Variants in IQSEC1 observed in about 807,000 individuals in gnomAD.
IQSEC1 encodes IQ motif and SEC7 domain-containing protein 1.
IQSEC1 carries 31 observed loss-of-function variants against 91.0 expected under a neutral mutation model. The ratio of observed to expected loss-of-function variants is 0.34; its 90% CI spans 0.26 to 0.46. IQSEC1 has a LOEUF of 0.46. IQSEC1 is among the 20% of genes least tolerant of loss of function. The probability of loss-of-function intolerance (pLI) is 1.00; values close to 1 mark genes in which losing one functional copy is unlikely to be tolerated. For synonymous variants in IQSEC1, 699 were observed against 662.6 expected, an observed-to-expected ratio of 1.05 and a Z score of -0.84; for missense variants, 1,388 against 1,575.6, an observed-to-expected ratio of 0.88 and a Z score of 2.02.
intron 10 of IQSEC1, among the ~76,000 whole-genome samples, chr3:12,911,123 G>A (rs982782917): frequency 6.6e-5 from 10 of 152,180 alleles, no homozygotes. Context: ...TATGATGGGG[G>A]CCCTGTGGCA....
intron 1 of IQSEC1, among the ~76,000 whole-genome samples, chr3:13,279,937 AG>A (rs1695757736): frequency 6.6e-6 from 1 of 152,120 alleles, no homozygotes. Context: ...CTGGCTCCAA[AG>A]GTCTCACCCC....
rs1309934648 is a variant in IQSEC1, at chr3:12,909,450, A to G, written c.2417-16T>C. ...TTGGGGTAGTCTGCAAAAGGGAAGGAGAGGGGAGGAGGCCCACGGGTCTCA... is the reference window on the plus strand; with the variant it reads ...TTGGGGTAGTCTGCAAAAGGGAAGGGGAGGGGAGGAGGCCCACGGGTCTCA... On this transcript the variant is annotated splice_polypyrimidine_tract_variant and intron_variant, in intron 10 of 13. Coordinates refer to ENST00000613206, the MANE Select transcript of IQSEC1 (RefSeq NM_001134382.3). The surrounding 1 kb of genome is among the most constrained non-coding windows in gnomAD (Gnocchi z 4.9). 3 of 1,610,780 alleles carry G rather than the reference A, an allele frequency of 1.9e-6. No individual in the cohort carries two copies. Among genetic ancestry groups the G allele is most frequent in the Non-Finnish European group, 2.5e-6 (3 of 1,177,920 alleles).
At chr3:13,243,493 G>A (rs1263489296) in intron 1 of IQSEC1, among the ~76,000 whole-genome samples, 1 of 152,198 alleles carries the variant, frequency 6.6e-6, no homozygotes, top group African/African-American at 2.4e-5. Context: ...TCTTCCAGGG[G>A]TGCTCTCTGC....
At chr3:12,911,522 A>C in intron 10 of IQSEC1, 107 bp downstream of exon 10, 1 of 805,424 alleles carries the variant, frequency 1.2e-6, no homozygotes. Flanking sequence ...GGGATAAAAC[A>C]GGGGTGAGCG....
chr3:13,130,293 G>A (rs994889615), intron 2 of IQSEC1, among the ~76,000 whole-genome samples: 4 of 141,020 alleles, frequency 2.8e-5, no homozygotes, highest in Non-Finnish European at 4.5e-5. Flanking sequence ...GCAGTGAACC[G>A]AGATTGTGCC....
chr3:13,107,367 C>T (rs1296412594), intron 2 of IQSEC1, among the ~76,000 whole-genome samples: 1 of 152,250 alleles, frequency 6.6e-6, no homozygotes, highest in African/African-American at 2.4e-5. Flanking sequence ...ACCATGCCCC[C>T]TGCGGTTGCT....
chr3:13,125,581 G>C (rs1255623141), intron 2 of IQSEC1, among the ~76,000 whole-genome samples: 1 of 152,212 alleles, frequency 6.6e-6, no homozygotes, highest in Non-Finnish European at 1.5e-5. Context: ...ACAGCCCAGG[G>C]TGAATCCCGT....
chr3:12,904,681 C>G (rs1694773720), intron 12 of IQSEC1, among the ~76,000 whole-genome samples: 1 of 152,212 alleles, frequency 6.6e-6, no homozygotes, highest in Non-Finnish European at 1.5e-5. Context: ...GCGCCAATGT[C>G]TCTAGGTTTT....
chr3:12,983,076 GC>G lies in IQSEC1; in HGVS notation c.24-41212del, dbSNP rs1227842817. On this transcript the variant is annotated intron_variant, in intron 1 of 13. Transcript: ENST00000613206. This position sits in a 1 kb window ranked among gnomAD's most constrained non-coding sequence, Gnocchi z 4.3. ...TGAGGAGTGCTATTGCTCACTGGGG[GC>G]TCCTGAGGGCCTTCCCCACTGTAAC... Among the ~76,000 whole-genome samples, 1 of 152,118 alleles carries G rather than the reference GC, an allele frequency of 6.6e-6. No individual in the cohort carries two copies. Among genetic ancestry groups the G allele is most frequent in the Non-Finnish European group, 1.5e-5 (1 of 68,022 alleles).
intron 1 of IQSEC1, among the ~76,000 whole-genome samples, chr3:12,996,051 C>T (rs1319303169): frequency 6.6e-6 from 1 of 152,034 alleles, no homozygotes; most frequent in Non-Finnish European, 1.5e-5. Flanking sequence ...GCTCCAGCTA[C>T]TCGGGAGGCT....
chr3:12,930,449 T>G (rs938783450), intron 3 of IQSEC1, among the ~76,000 whole-genome samples: 2 of 152,176 alleles, frequency 1.3e-5, no homozygotes, highest in Non-Finnish European at 2.9e-5. Context: ...GATTCTACTC[T>G]CTGCTCCAGG....
intron 1 of IQSEC1, among the ~76,000 whole-genome samples, chr3:13,057,845 C>G (rs73142862): frequency 0.027 from 4,144 of 152,338 alleles, 202 homozygotes; most frequent in African/African-American, 0.094. Context: ...CCCACTCCCC[C>G]ACCCCATGCC....
At chr3:13,256,119 G>A (rs1219060942) in intron 1 of IQSEC1, among the ~76,000 whole-genome samples, 4 of 152,204 alleles carry the variant, frequency 2.6e-5, no homozygotes, top group East Asian at 1.9e-4. Flanking sequence ...AAATTAATAC[G>A]GGACTATTGA....
At chr3:13,038,662 A>T (rs531899213) in intron 1 of IQSEC1, among the ~76,000 whole-genome samples, 1 of 152,150 alleles carries the variant, frequency 6.6e-6, no homozygotes, top group Admixed American at 6.5e-5. Flanking sequence ...GTATAATTGG[A>T]TTATTTGTAA....
intron 1 of IQSEC1, among the ~76,000 whole-genome samples, chr3:13,273,050 G>A (rs1378690508): frequency 6.6e-6 from 1 of 152,152 alleles, no homozygotes; most frequent in Admixed American, 6.5e-5. Context: ...ATACATCAAG[G>A]ATGTAATCCT....
intron 1 of IQSEC1, among the ~76,000 whole-genome samples, chr3:13,191,306 C>G (rs138714341): frequency 6.2e-4 from 95 of 152,294 alleles, no homozygotes; most frequent in African/African-American, 2.2e-3. Context: ...GAGCTGGGCA[C>G]AGGCTGGGCA....
At chr3:13,044,536 C>T (rs1047067465) in intron 1 of IQSEC1, among the ~76,000 whole-genome samples, 4 of 152,200 alleles carry the variant, frequency 2.6e-5, no homozygotes, top group African/African-American at 9.6e-5. Flanking sequence ...CCAGTGTCAT[C>T]GGAATGGACC....
Position 12,941,443 on chromosome 3 carries a change from C to T in IQSEC1, c.318+128G>A, listed in dbSNP as rs554586715. 21 of 948,736 alleles carry T rather than the reference C, an allele frequency of 2.2e-5. No individual in the cohort carries two copies. The East Asian group carries it at 5.6e-4, about 25-fold the overall frequency. The allele number at this position is 948,736 out of a possible 1,614,324, so 58.8% of individuals were successfully genotyped here. On this transcript the variant is annotated intron_variant, in intron 2 of 13. Transcript: ENST00000613206. ...GCTGGAACTGGGGCAGAGCCCTCAG[C>T]CTTAGCCCACATGCACCCCAACTCA...
intron 2 of IQSEC1, among the ~76,000 whole-genome samples, chr3:13,156,440 G>A (rs1707086682): frequency 6.6e-6 from 1 of 152,174 alleles, no homozygotes; most frequent in Admixed American, 6.5e-5. Flanking sequence ...ACATAGTATT[G>A]GAAGTCCTAG....
Sources: gnomAD v4.1 joint callset for allele counts (sites outside exome capture counted in the v4.1 genomes callset) on GRCh38, gnomAD v4.1.1 for gene constraint, Gnocchi (gnomAD v3.1) non-coding constraint, MANE v1.5 for transcripts, NCBI Gene and HGNC (gene_info 2026-07-23, HGNC 2026-07-21) for gene names.